ASNS: variants seen among roughly 807,000 people sequenced by gnomAD.
The protein encoded by ASNS is asparagine synthetase [glutamine-hydrolyzing].
A neutral mutation model predicts 62.6 loss-of-function variants in ASNS; 37 were observed. The observed-to-expected ratio is 0.59, with a 90% CI of 0.45 to 0.78. The LOEUF (loss-of-function observed/expected upper bound fraction) is 0.78. Among genes scored for constraint, ASNS ranks in the 30% least tolerant of loss-of-function variants. The pLI is 0.00. For missense variants in ASNS, 520 were observed against 682.4 expected (o/e 0.76, Z 2.65); for synonymous variants, 207 against 237.9 (o/e 0.87, Z 1.19).
chr7:97,921,853 A>G, the ASNS span, among the ~76,000 whole-genome samples: 1 of 152,158 alleles, frequency 6.6e-6, no homozygotes, highest in African/African-American at 2.4e-5. Flanking sequence ...CTAGACTTAG[A>G]GTGAATCTTT....
At chr7:97,854,481 G>A in intron 10 of ASNS, 99 bp downstream of exon 10, 2 of 1,419,892 alleles carry the variant, frequency 1.4e-6, no homozygotes, top group Non-Finnish European at 1.9e-6. Flanking sequence ...TAGCCAATCA[G>A]CTATTGATTT....
At chr7:97,921,475 T>G in the ASNS span, among the ~76,000 whole-genome samples, 2 of 152,190 alleles carry the variant, frequency 1.3e-5, no homozygotes, top group African/African-American at 2.4e-5. Flanking sequence ...GGGGGCTGGT[T>G]GTGGCGTGTG....
chr7:97,886,338 G>A, the ASNS span, among the ~76,000 whole-genome samples: 3 of 151,948 alleles, frequency 2.0e-5, no homozygotes, highest in East Asian at 1.9e-4. Context: ...TAGTAGAAAC[G>A]GGGTTTCACC....
At chr7:97,896,737 C>CAAATATATATATATATATATAT in the ASNS span, among the ~76,000 whole-genome samples, 1 of 30,518 alleles carries the variant, frequency 3.3e-5, no homozygotes, top group East Asian at 1.2e-3. Context: ...CACACACACA[C>CAAATATATATATATATATATAT]ACACATATAT....
At chr7:97,883,102 A>G in the ASNS span, among the ~76,000 whole-genome samples, 1 of 152,180 alleles carries the variant, frequency 6.6e-6, no homozygotes. Context: ...GCACATCTAA[A>G]CAGATTTAAC....
At chr7:97,917,502 T>C in the ASNS span, among the ~76,000 whole-genome samples, 1 of 152,186 alleles carries the variant, frequency 6.6e-6, no homozygotes, top group Non-Finnish European at 1.5e-5. Context: ...GGTGTCCTAA[T>C]GAAGCAGGAT....
At chr7:97,911,757 C>T in the ASNS span, among the ~76,000 whole-genome samples, 1 of 152,152 alleles carries the variant, frequency 6.6e-6, no homozygotes, top group South Asian at 2.1e-4. Context: ...AAGTACAGCA[C>T]ACAAGGAATA....
chr7:97,889,681 A>G, the ASNS span, among the ~76,000 whole-genome samples: 4 of 152,078 alleles, frequency 2.6e-5, no homozygotes, highest in Non-Finnish European at 4.4e-5. Flanking sequence ...CAGCTATAAG[A>G]AAAGGTCTTT....
the ASNS span, among the ~76,000 whole-genome samples, chr7:97,927,382 CA>C: frequency 6.6e-6 from 1 of 152,240 alleles, no homozygotes; most frequent in Non-Finnish European, 1.5e-5. Flanking sequence ...TCAGCAGTAA[CA>C]ACCCCAGGCA....
At chr7:97,885,302 A>G in the ASNS span, among the ~76,000 whole-genome samples, 2 of 152,346 alleles carry the variant, frequency 1.3e-5, no homozygotes, top group South Asian at 2.1e-4. Flanking sequence ...GTAGACAAGC[A>G]TTTGTGTTGT....
chr7:97,854,745 C>A, intron 9 of ASNS, 65 bp from the exon 10 acceptor site: 1 of 1,606,580 alleles, frequency 6.2e-7, no homozygotes, highest in Non-Finnish European at 8.5e-7. Flanking sequence ...TTCTTTCTCC[C>A]TCTCCAATCC....
the ASNS span, among the ~76,000 whole-genome samples, chr7:97,878,237 A>G: frequency 6.6e-6 from 1 of 152,118 alleles, no homozygotes; most frequent in African/African-American, 2.4e-5. Flanking sequence ...AAAATACAAA[A>G]ATTAGCTGGG....
At chr7:97,853,427 T>G in intron 10 of ASNS, 41 bp from the exon 11 acceptor site, 2 of 1,527,402 alleles carry the variant, frequency 1.3e-6, no homozygotes, top group Non-Finnish European at 1.8e-6. Flanking sequence ...AAAATGGGTA[T>G]TTAGTGCCTG....
At chr7:97,864,637 T>A (rs1291757277) in intron 3 of ASNS, 141 bp from the exon 4 acceptor site, 28 of 664,388 alleles carry the variant, frequency 4.2e-5, no homozygotes, top group Non-Finnish European at 6.8e-5. Context: ...ACAGCATTAT[T>A]AAACTATGGT....
At position 97,852,159 on chromosome 7, in the gene ASNS, C is replaced by G. The variant is rs576307404; in HGVS notation, c.*100G>C. On this transcript the variant is annotated 3_prime_UTR_variant, in exon 13 of 13. Transcript: ENST00000394308. ...TTTAGGACTTTTATTTTTTTCACACCCAAGTTAGCCTGAGTTGACTCTCAT... is the reference window on the plus strand; with the variant it reads ...TTTAGGACTTTTATTTTTTTCACACGCAAGTTAGCCTGAGTTGACTCTCAT... The G allele has an allele frequency of 1.2e-5, 16 of 1,345,502 alleles. No homozygotes were observed. Among genetic ancestry groups the G allele is most frequent in the Non-Finnish European group, 1.6e-5 (16 of 977,212 alleles). The allele number at this position is 1,345,502 out of a possible 1,614,324, so 83.3% of individuals were successfully genotyped here. A position where few individuals can be genotyped will look rare whatever the true frequency, so the allele number is the denominator to read the frequency against.
chr7:97,910,184 G>A, the ASNS span, among the ~76,000 whole-genome samples: 2 of 152,260 alleles, frequency 1.3e-5, no homozygotes, highest in East Asian at 1.9e-4. Flanking sequence ...GGGAGCTTTT[G>A]CAAACCTAGG....
the ASNS span, among the ~76,000 whole-genome samples, chr7:97,896,985 A>G: frequency 0.15 from 22,649 of 150,262 alleles, 1,863 homozygotes; most frequent in Non-Finnish European, 0.19. Flanking sequence ...GAAGAATAAA[A>G]CTAGACCCTT....
At chr7:97,865,911 G>T (rs1233873664) in intron 3 of ASNS, among the ~76,000 whole-genome samples, 3 of 152,126 alleles carry the variant, frequency 2.0e-5, no homozygotes, top group African/African-American at 7.2e-5. Flanking sequence ...GGCTGAGAGG[G>T]TCTTTTTTCC....
chr7:97,914,117 T>C, the ASNS span, among the ~76,000 whole-genome samples: 2 of 74,556 alleles, frequency 2.7e-5, no homozygotes, highest in African/African-American at 1.1e-4. Flanking sequence ...GGTGGGTGGG[T>C]GGATAGATGG....
Sources: gnomAD v4.1 joint callset for allele counts (sites outside exome capture counted in the v4.1 genomes callset) on GRCh38, gnomAD v4.1.1 for gene constraint, MANE v1.5 for transcripts, NCBI Gene and HGNC (gene_info 2026-07-23, HGNC 2026-07-21) for gene names.